CADM2: variants seen among roughly 807,000 people sequenced by gnomAD.
CADM2 encodes the protein cell adhesion molecule 2.
Under a neutral mutation model 49.8 loss-of-function variants are expected in CADM2, and 12 were observed. The ratio of observed to expected loss-of-function variants is 0.24; its 90% CI spans 0.15 to 0.39. CADM2 has a LOEUF of 0.39. Ranked by LOEUF, CADM2 falls within the 10% of genes least tolerant of loss-of-function variation. The probability of loss-of-function intolerance (pLI) is 1.00; values close to 1 mark genes in which losing one functional copy is unlikely to be tolerated. For missense variants in CADM2, 378 were observed against 492.3 expected, an observed-to-expected ratio of 0.77 and a Z score of 2.20; for synonymous variants, 214 against 175.4, an observed-to-expected ratio of 1.22 and a Z score of -1.74.
intron 1 of CADM2, among the ~76,000 whole-genome samples, chr3:85,131,175 G>C (rs770880500): frequency 3.3e-5 from 5 of 151,602 alleles, no homozygotes; most frequent in Admixed American, 1.3e-4. Flanking sequence ...GTGAAACTCC[G>C]TCTCAGAAAA....
chr3:85,262,682 G>A (rs2043038267), intron 1 of CADM2, among the ~76,000 whole-genome samples: 1 of 152,012 alleles, frequency 6.6e-6, no homozygotes, highest in Non-Finnish European at 1.5e-5. Context: ...ATGAATAATA[G>A]TTTTGCAAAA....
At chr3:85,295,712 G>A (rs1425448825) in intron 1 of CADM2, among the ~76,000 whole-genome samples, 1 of 151,226 alleles carries the variant, frequency 6.6e-6, no homozygotes, top group Non-Finnish European at 1.5e-5. Flanking sequence ...ACACTCACAG[G>A]TGGGAATTGA....
At chr3:86,032,001 G>C (rs1438037723) in intron 8 of CADM2, among the ~76,000 whole-genome samples, 1 of 151,536 alleles carries the variant, frequency 6.6e-6, no homozygotes, top group African/African-American at 2.4e-5. Flanking sequence ...GGATGTTGAC[G>C]GATCAAGAGT....
intron 5 of CADM2, among the ~76,000 whole-genome samples, chr3:85,907,436 A>T (rs994417673): frequency 6.6e-6 from 1 of 152,196 alleles, no homozygotes; most frequent in Non-Finnish European, 1.5e-5. Flanking sequence ...AATAGCCTAC[A>T]TGATTCCTAA....
At chr3:85,674,343 AGTT>A (rs1229769528) in intron 1 of CADM2, among the ~76,000 whole-genome samples, 3 of 152,156 alleles carry the variant, frequency 2.0e-5, no homozygotes, top group African/African-American at 4.8e-5. Context: ...GTCTTACAGA[AGTT>A]GTTATTATTC....
At chr3:85,152,109 A>G (rs1473339053) in intron 1 of CADM2, among the ~76,000 whole-genome samples, 2 of 152,178 alleles carry the variant, frequency 1.3e-5, no homozygotes, top group Non-Finnish European at 2.9e-5. Flanking sequence ...CTTCTCCTAA[A>G]GAGAGACTAC....
chr3:86,011,753 T>TA (rs1559799675), intron 8 of CADM2, among the ~76,000 whole-genome samples: 2 of 151,650 alleles, frequency 1.3e-5, no homozygotes, highest in African/African-American at 4.8e-5. Context: ...GAGAAATATG[T>TA]AAAAAAAGAA....
At chr3:85,814,002 G>C (rs4423782) in intron 3 of CADM2, among the ~76,000 whole-genome samples, 2 of 152,092 alleles carry the variant, frequency 1.3e-5, no homozygotes, top group Admixed American at 1.3e-4. Context: ...TTGTTACTTA[G>C]GATTGCCTTG....
intron 1 of CADM2, among the ~76,000 whole-genome samples, chr3:85,075,198 T>A (rs181394906): frequency 6.6e-6 from 1 of 152,022 alleles, no homozygotes; most frequent in Non-Finnish European, 1.5e-5. Context: ...TGTACCTAAT[T>A]TAGTGATCAG....
At chr3:85,934,868 C>CAGT (rs1721011664) in intron 6 of CADM2, among the ~76,000 whole-genome samples, 1 of 151,868 alleles carries the variant, frequency 6.6e-6, no homozygotes, top group Admixed American at 6.6e-5. Context: ...AGTTCAGAGC[C>CAGT]TATTTTGTTT....
At chr3:84,994,244 A>T (rs762447568) in intron 1 of CADM2, among the ~76,000 whole-genome samples, 1 of 152,234 alleles carries the variant, frequency 6.6e-6, no homozygotes, top group Non-Finnish European at 1.5e-5. Flanking sequence ...CAAGATCGTT[A>T]TAAATACATC....
intron 2 of CADM2, among the ~76,000 whole-genome samples, chr3:85,733,056 G>C (rs1265365672): frequency 6.6e-6 from 1 of 152,172 alleles, no homozygotes; most frequent in Non-Finnish European, 1.5e-5. Context: ...GACCAGCTTA[G>C]TTGGGTCCAC....
intron 3 of CADM2, among the ~76,000 whole-genome samples, chr3:85,838,101 T>A (rs1333808643): frequency 6.6e-6 from 1 of 151,790 alleles, no homozygotes; most frequent in Non-Finnish European, 1.5e-5. Context: ...CATACTCAAC[T>A]CAAATTTTAA....
At chr3:85,428,370 A>T (rs2036511184) in intron 1 of CADM2, among the ~76,000 whole-genome samples, 1 of 145,384 alleles carries the variant, frequency 6.9e-6, no homozygotes, top group Non-Finnish European at 1.5e-5. Flanking sequence ...ATTATATATA[A>T]TATATATTAT....
intron 1 of CADM2, among the ~76,000 whole-genome samples, chr3:85,425,391 C>T (rs1380862116): frequency 6.6e-6 from 1 of 152,084 alleles, no homozygotes; most frequent in Non-Finnish European, 1.5e-5. Flanking sequence ...AGTAATTGTA[C>T]ATATTTATGG....
chr3:86,035,354 C>T (rs1407061109), intron 8 of CADM2, among the ~76,000 whole-genome samples: 1 of 151,954 alleles, frequency 6.6e-6, no homozygotes, highest in Non-Finnish European at 1.5e-5. Flanking sequence ...ATTTCTTGAT[C>T]TTTGTAGGCT....
chr3:85,690,241 A>G (rs1012659093), intron 1 of CADM2, among the ~76,000 whole-genome samples: 3 of 152,170 alleles, frequency 2.0e-5, no homozygotes, highest in African/African-American at 7.2e-5. Flanking sequence ...AGTAGCTAGT[A>G]GAGTCAGTGT....
At chr3:85,964,633 C>G (rs566220424) in intron 8 of CADM2, among the ~76,000 whole-genome samples, 28 of 151,788 alleles carry the variant, frequency 1.8e-4, no homozygotes, top group Middle Eastern at 3.4e-3. Context: ...AATTTAACTG[C>G]CAGTCTAAAA....
At chr3:85,337,530 A>G (rs1029678187) in intron 1 of CADM2, among the ~76,000 whole-genome samples, 2 of 151,378 alleles carry the variant, frequency 1.3e-5, no homozygotes, top group Non-Finnish European at 3.0e-5. Context: ...TGGCTTTCAA[A>G]TAACCATTTA....
Sources: allele counts gnomAD v4.1 joint callset (sites outside exome capture counted in the v4.1 genomes callset), GRCh38; gene constraint gnomAD v4.1.1; transcripts MANE v1.5; gene names NCBI Gene and HGNC (gene_info 2026-07-23, HGNC 2026-07-21).